The following PDE8A variants were observed in gnomAD, a reference collection of about 807,000 sequenced individuals.
PDE8A encodes the protein phosphodiesterase 8A.
Under a neutral mutation model 105.0 loss-of-function variants are expected in PDE8A, and 59 were observed. The ratio of observed to expected loss-of-function variants is 0.56; its 90% CI spans 0.46 to 0.70. The LOEUF (loss-of-function observed/expected upper bound fraction) is 0.70, where lower values mean the gene tolerates loss of function less well. PDE8A is among the 30% of genes least tolerant of loss of function. The pLI is 0.00. For synonymous variants in PDE8A, 355 were observed against 371.9 expected, an observed-to-expected ratio of 0.95 and a Z score of 0.52; for missense variants, 1,014 against 1,045.9, an observed-to-expected ratio of 0.97 and a Z score of 0.42.
In PDE8A at chr15:84,981,985, G is replaced by T; in HGVS notation, c.-178G>T. 1 of 308,076 alleles carries T rather than the reference G, an allele frequency of 3.2e-6. No homozygotes were observed. Among genetic ancestry groups the T allele is most frequent in the Non-Finnish European group, 5.8e-6 (1 of 172,882 alleles). The allele number at this position is 308,076 out of a possible 1,614,324, so 19.1% of individuals were successfully genotyped here. ...CCTTCCCACCGCAGCCGCCGCCGCC[G>T]CAGCGCCCGCACCGCGATAAAAGGG... On this transcript the variant is annotated 5_prime_UTR_variant, in exon 1 of 22. Coordinates refer to ENST00000394553, the MANE Select transcript of PDE8A (RefSeq NM_002605.3).
Position 84,981,887 on chromosome 15 carries a change from C to T in PDE8A, c.-276C>T, listed in dbSNP as rs2079714304. The T allele has an allele frequency of 1.3e-5, 3 of 222,694 alleles. No individual in the cohort carries two copies. Among genetic ancestry groups the T allele is most frequent in the Admixed American group, 5.8e-5 (1 of 17,278 alleles). 13.8% of individuals were successfully genotyped at this position (222,694 alleles called of 1,614,324 possible). On this transcript the variant is annotated 5_prime_UTR_variant, in exon 1 of 22. Coordinates refer to ENST00000394553, the MANE Select transcript of PDE8A (RefSeq NM_002605.3). The stretch of plus-strand genomic sequence containing the variant: ...GAGGCGAGCCCGGCGATGTGAGAGG[C>T]GGCCGTCGGCTCCTGCCTCAGGAAG...
chr15:85,134,797 G>C (rs937361933), intron 20 of PDE8A, among the ~76,000 whole-genome samples: 6 of 152,180 alleles, frequency 3.9e-5, no homozygotes, highest in African/African-American at 1.4e-4. Flanking sequence ...GCCGGAGTGA[G>C]TTGTTGTGCA....
intron 3 of PDE8A, among the ~76,000 whole-genome samples, chr15:85,075,563 C>A (rs960265801): frequency 2.0e-5 from 3 of 152,160 alleles, no homozygotes; most frequent in African/African-American, 7.2e-5. Context: ...AGGGAAAATA[C>A]TCCGCCTGAA....
At chr15:85,003,558 A>G (rs1000668001) in intron 1 of PDE8A, among the ~76,000 whole-genome samples, 4 of 152,186 alleles carry the variant, frequency 2.6e-5, no homozygotes, top group African/African-American at 7.2e-5. Flanking sequence ...GGTTCAGCCA[A>G]GGCCCCAAAA....
In PDE8A at chr15:85,120,934, G is replaced by C. The variant is rs2082170966; in HGVS notation, c.1872G>C (p.Val624=). The C allele has an allele frequency of 2.5e-6, 4 of 1,614,032 alleles. No individual in the cohort carries two copies. Among genetic ancestry groups the C allele is most frequent in the Non-Finnish European group, 3.4e-6 (4 of 1,180,004 alleles). The change falls in exon 18 of 22, where the codon GTG becomes GTC. Residue 624 remains valine (V), a synonymous_variant. Coordinates refer to ENST00000394553, the MANE Select transcript of PDE8A (RefSeq NM_002605.3). ...ELAILYNDTA[V]LESHHAALAF... ...CCATTTTGTACAATGACACTGCTGT[G>C]CTGGAGAGCCACCATGCGGCCTTGG...
chr15:85,094,003 G>T (rs146336488), intron 8 of PDE8A, among the ~76,000 whole-genome samples: 1 of 152,018 alleles, frequency 6.6e-6, no homozygotes, highest in Non-Finnish European at 1.5e-5. Flanking sequence ...GGGACCACAC[G>T]TGTCTACCAT....
chr15:85,027,301 A>T (rs2080533710), intron 1 of PDE8A, among the ~76,000 whole-genome samples: 1 of 152,204 alleles, frequency 6.6e-6, no homozygotes, highest in Non-Finnish European at 1.5e-5. Context: ...TGAAGAGGAC[A>T]TACTTCTTTT....
At chr15:85,076,601 A>ATATCCT in intron 4 of PDE8A, 132 bp from the exon 5 acceptor site, 1 of 639,078 alleles carries the variant, frequency 1.6e-6, no homozygotes. Flanking sequence ...TATCCTTTAA[A>ATATCCT]TTTGTATATT....
chr15:85,138,006 C>T lies in PDE8A; in HGVS notation c.*103C>T. 1 of 693,030 alleles carries T rather than the reference C, an allele frequency of 1.4e-6. No homozygotes were observed. Among genetic ancestry groups the T allele is most frequent in the Non-Finnish European group, 2.6e-6 (1 of 389,696 alleles). The allele number at this position is 693,030 out of a possible 1,614,324, so 42.9% of individuals were successfully genotyped here. A position where few individuals can be genotyped will look rare whatever the true frequency, so the allele number is the denominator to read the frequency against. Reference sequence around the variant, plus strand: ...GTCCTTTCAGTACTAGGCAGAACAGCCCCCGATCTGCATAGCCTGTGAAAG... The same window carrying T: ...GTCCTTTCAGTACTAGGCAGAACAGTCCCCGATCTGCATAGCCTGTGAAAG... On this transcript the variant is annotated 3_prime_UTR_variant, in exon 22 of 22. Coordinates refer to ENST00000394553, the MANE Select transcript of PDE8A (RefSeq NM_002605.3).
At chr15:85,052,211 C>G (rs2080987093) in intron 1 of PDE8A, among the ~76,000 whole-genome samples, 1 of 152,198 alleles carries the variant, frequency 6.6e-6, no homozygotes, top group African/African-American at 2.4e-5. Flanking sequence ...TTTGCTTAAT[C>G]CAGTCTATCA....
At chr15:85,109,925 G>C (rs996580754) in intron 12 of PDE8A, among the ~76,000 whole-genome samples, 1 of 152,214 alleles carries the variant, frequency 6.6e-6, no homozygotes, top group Admixed American at 6.5e-5. Context: ...GCGGTATGGG[G>C]TTATGGGAAG....
chr15:85,000,649 A>G (rs889647079), intron 1 of PDE8A, among the ~76,000 whole-genome samples: 2 of 152,172 alleles, frequency 1.3e-5, no homozygotes, highest in African/African-American at 4.8e-5. Flanking sequence ...TCCCATAGCT[A>G]GGCTCTGGAA....
intron 19 of PDE8A, among the ~76,000 whole-genome samples, chr15:85,125,043 C>T (rs1243382438): frequency 6.6e-6 from 1 of 152,170 alleles, no homozygotes; most frequent in African/African-American, 2.4e-5. Context: ...TATAGTCACA[C>T]TGCAGGTATT....
chr15:85,110,813 C>T (rs2082010697), intron 12 of PDE8A, among the ~76,000 whole-genome samples: 1 of 152,170 alleles, frequency 6.6e-6, no homozygotes, highest in African/African-American at 2.4e-5. Flanking sequence ...CTTAGAGCAG[C>T]TGCAAATGGT....
At position 85,126,224 on chromosome 15, in the gene PDE8A, G is replaced by T. The variant is rs759427753; in HGVS notation, c.2103G>T (p.Gln701His). 3 of 1,603,618 alleles carry T rather than the reference G, an allele frequency of 1.9e-6. No homozygotes were observed. In the South Asian group the frequency reaches 3.4e-5, roughly 18 times the overall value. The change falls in exon 20 of 22, where the codon CAG becomes CAT. Residue 701 changes from glutamine (Q) to histidine (H), a missense_variant. By Grantham distance (24) the Gln-to-His change is conservative (BLOSUM62 0). Coordinates refer to ENST00000394553, the MANE Select transcript of PDE8A (RefSeq NM_002605.3). ...TGTTTCAGGAAACTGATAAAAACCAGGAAGTGATAAACACTATGCTTAGGA... is the reference window on the plus strand; with the variant it reads ...TGTTTCAGGAAACTGATAAAAACCATGAAGTGATAAACACTATGCTTAGGA... ...LEENGETDKN[Q>H]EVINTMLRTP... is the part of the protein sequence containing the mutation.
At chr15:85,055,300 G>A (rs1478846383) in intron 1 of PDE8A, among the ~76,000 whole-genome samples, 1 of 152,190 alleles carries the variant, frequency 6.6e-6, no homozygotes, top group African/African-American at 2.4e-5. Context: ...ATTTGGGGTG[G>A]AGAGTTCTGT....
intron 1 of PDE8A, among the ~76,000 whole-genome samples, chr15:85,025,317 T>C (rs890223815): frequency 1.3e-5 from 2 of 152,140 alleles, no homozygotes; most frequent in African/African-American, 2.4e-5. Flanking sequence ...TTTCTTGAGG[T>C]GCTTGAAGAG....
At chr15:84,981,712 G>A (rs1187907430), upstream of PDE8A, among the ~76,000 whole-genome samples, 1 of 151,342 alleles carries the variant, frequency 6.6e-6, no homozygotes, top group African/African-American at 2.4e-5. Context: ...GCGGCGGCGG[G>A]AGCGGGGCCG....
intron 21 of PDE8A, among the ~76,000 whole-genome samples, chr15:85,137,056 A>G (rs1354229602): frequency 6.6e-6 from 1 of 152,146 alleles, no homozygotes; most frequent in African/African-American, 2.4e-5. Flanking sequence ...TGACTGATGC[A>G]TGTCACCCTC....
Sources: gnomAD v4.1 joint callset for allele counts (sites outside exome capture counted in the v4.1 genomes callset) on GRCh38, gnomAD v4.1.1 for gene constraint, MANE v1.5 for transcripts, NCBI Gene and HGNC (gene_info 2026-07-23, HGNC 2026-07-21) for gene names.